Variants in PCDHGA10 observed in about 807,000 individuals in gnomAD.
The protein encoded by PCDHGA10 is protocadherin gamma subfamily A, 10, also known as protocadherin gamma-A10.
In PCDHGA10, 42 loss-of-function variants were observed where a neutral mutation model predicts 59.5. The observed-to-expected ratio is 0.71, with a 90% confidence interval of 0.55 to 0.91. PCDHGA10 has a LOEUF of 0.91. PCDHGA10 is among the 40% of genes least tolerant of loss of function. PCDHGA10 has a pLI of 0.00. For missense variants in PCDHGA10, 1,111 were observed against 1,198.2 expected, an observed-to-expected ratio of 0.93 and a Z score of 1.07; for synonymous variants, 511 against 517.2, an observed-to-expected ratio of 0.99 and a Z score of 0.16.
chr5:141,494,752 T>C (rs889400984), intron 1 of PCDHGA10, 55 bp from the exon 2 acceptor site: 18 of 1,612,206 alleles, frequency 1.1e-5, no homozygotes, highest in Non-Finnish European at 1.5e-5. Context: ...GGGGCTCGGG[T>C]GACATTCTAA....
rs2099735810 is a variant in PCDHGA10 at position 141,491,979 on chromosome 5, G to A, written c.2437-2828G>A. On this transcript the variant is annotated intron_variant, in intron 1 of 3. Transcript: ENST00000398610. This position sits in a 1 kb window ranked among gnomAD's most constrained non-coding sequence, Gnocchi z 6.9. ...CAAAAAAGGCCGGGGCCTCCTTCGA[G>A]CTTCCGGTGAATTTCGGGCGATTTC... 6.4e-6 allele frequency: 5 copies of A among 787,296 alleles called. No homozygotes were observed. Among genetic ancestry groups the A allele is most frequent in the Non-Finnish European group, 9.4e-6 (5 of 533,208 alleles). 48.8% of individuals were successfully genotyped at this position (787,296 alleles called of 1,614,324 possible).
chr5:141,494,775 A>G (rs1202233200), intron 1 of PCDHGA10, 32 bp from the exon 2 acceptor site: 1 of 1,613,580 alleles, frequency 6.2e-7, no homozygotes. Flanking sequence ...TCTCACGGGT[A>G]CTCAGCCCCT....
Position 141,511,165 on chromosome 5 carries a change from A to G in PCDHGA10, c.2803A>G (p.Lys935Glu). 1 of 1,614,096 alleles carries G rather than the reference A, an allele frequency of 6.2e-7. No homozygotes were observed. Among genetic ancestry groups the G allele is most frequent in the East Asian group, 2.2e-5 (1 of 44,870 alleles). ...CAAGAAGAAGTCGGGCAAGAAGGAGAAGAAGTAACATGGAGGCCAGGCCAA... is the reference window on the plus strand; with the variant it reads ...CAAGAAGAAGTCGGGCAAGAAGGAGGAGAAGTAACATGGAGGCCAGGCCAA... ...GNKKKSGKKE[K>E]K Residue 935 changes from lysine (K) to glutamate (E), a missense_variant, in exon 4 of 4, where the codon AAG (lysine) becomes GAG (glutamate). Physicochemically the swap from Lys to Glu is moderately conservative, Grantham distance 56. Transcript: ENST00000398610.
At chr5:141,444,644 G>T (rs1300191764) in intron 1 of PCDHGA10, among the ~76,000 whole-genome samples, 1 of 151,892 alleles carries the variant, frequency 6.6e-6, no homozygotes, top group Non-Finnish European at 1.5e-5. Flanking sequence ...ATTGAGGTAG[G>T]GGTTGAAGTT....
In PCDHGA10 at chr5:141,431,779, G is replaced by A; in HGVS notation, c.2436+16168G>A. 2 of 1,614,232 alleles carry A rather than the reference G, an allele frequency of 1.2e-6. No individual in the cohort carries two copies. Among genetic ancestry groups the A allele is most frequent in the Non-Finnish European group, 1.7e-6 (2 of 1,180,030 alleles). ...AAGTCCTGATCACTGTTCTGGACGT[G>A]AACGACAATGCCCCAGAAGTGGTCC... On this transcript the variant is annotated intron_variant, in intron 1 of 3. Transcript: ENST00000398610. This position sits in a 1 kb window ranked among gnomAD's most constrained non-coding sequence, Gnocchi z 4.8.
chr5:141,491,381 C>A lies in PCDHGA10; in HGVS notation c.2437-3426C>A. On this transcript the variant is annotated intron_variant, in intron 1 of 3. Transcript: ENST00000398610. This position sits in a 1 kb window ranked among gnomAD's most constrained non-coding sequence, Gnocchi z 6.9. ...CTAGTCACCTTCACCTTTCTGTCAGCGAAGTGCCTTCAGGGAAACGCAGAC... is the reference window on the plus strand; with the variant it reads ...CTAGTCACCTTCACCTTTCTGTCAGAGAAGTGCCTTCAGGGAAACGCAGAC... 2 of 1,614,068 alleles carry A rather than the reference C, an allele frequency of 1.2e-6. No homozygotes were observed. The highest frequency in any genetic ancestry group is 1.7e-6 in the Non-Finnish European group (2 of 1,179,950).
chr5:141,510,307 G>C (rs1250172295), intron 3 of PCDHGA10, among the ~76,000 whole-genome samples: 1 of 151,446 alleles, frequency 6.6e-6, no homozygotes, highest in African/African-American at 2.4e-5. Context: ...TTTTGAAATG[G>C]AGGCTTGGAA....
intron 1 of PCDHGA10, among the ~76,000 whole-genome samples, chr5:141,443,829 A>G (rs1387307023): frequency 6.6e-6 from 1 of 152,228 alleles, no homozygotes; most frequent in Non-Finnish European, 1.5e-5. Flanking sequence ...ATAATTAGGT[A>G]AAATGGGTAA....
intron 1 of PCDHGA10, among the ~76,000 whole-genome samples, chr5:141,435,951 G>C (rs371199258): frequency 3.9e-5 from 6 of 152,100 alleles, no homozygotes; most frequent in African/African-American, 1.4e-4. Flanking sequence ...ACCAAAAAAG[G>C]GGGCAAAATA....
At chr5:141,495,437 C>T (rs2099761356) in intron 2 of PCDHGA10, among the ~76,000 whole-genome samples, 1 of 152,178 alleles carries the variant, frequency 6.6e-6, no homozygotes, top group East Asian at 1.9e-4. Flanking sequence ...GTCCTCTGCC[C>T]CTACTTGTCC....
Position 141,501,290 on chromosome 5 carries a change from TACACACAC to T in PCDHGA10, c.2496-4066_2496-4059del, listed in dbSNP as rs55762287. 3.7e-3 allele frequency among the ~76,000 whole-genome samples: 499 copies of T among 136,222 alleles called. 2 individuals carry two copies. Among genetic ancestry groups the T allele is most frequent in the Middle Eastern group, 0.033 (9 of 270 alleles). 89.4% of individuals were successfully genotyped at this position (136,222 alleles called of 152,430 possible). On this transcript the variant is annotated intron_variant, in intron 2 of 3. Transcript: ENST00000398610. ...GTCCAGTCTATGGGATATTCCCTTA[TACACACAC>T]ACACACACACACACACACACACACA... is the stretch of plus-strand genomic sequence containing the variant.
rs191642740 is a variant in PCDHGA10 at position 141,509,833 on chromosome 5, C to T, written c.2585-1114C>T. On this transcript the variant is annotated intron_variant, in intron 3 of 3. Coordinates refer to ENST00000398610, the MANE Select transcript of PCDHGA10 (RefSeq NM_018913.3). ...GAGCTCTTCTCCATCTTCTCTCTAC[C>T]TCCCATTCACTCAGAACAGGGATAA... 2.6e-5 allele frequency among the ~76,000 whole-genome samples: 4 copies of T among 152,300 alleles called. No individual in the cohort carries two copies. The East Asian group carries it at 7.7e-4, about 29-fold the overall frequency.
chr5:141,489,094 G>GAAT lies in PCDHGA10; in HGVS notation c.2437-5711_2437-5710insTAA, dbSNP rs2154581134. 5.1e-6 allele frequency: 2 copies of GAAT among 396,028 alleles called. No homozygotes were observed. Among genetic ancestry groups the GAAT allele is most frequent in the Non-Finnish European group, 9.0e-6 (2 of 221,296 alleles). 24.5% of individuals were successfully genotyped at this position (396,028 alleles called of 1,614,324 possible). Reference sequence around the variant, plus strand: ...CCCACCCCCGCCACTCGGTGACTAAGAACTGCTGCAAGCAGGCAAACCTCC... The same window carrying GAAT: ...CCCACCCCCGCCACTCGGTGACTAAGAATAACTGCTGCAAGCAGGCAAACCTCC... On this transcript the variant is annotated intron_variant, in intron 1 of 3. Coordinates refer to ENST00000398610, the MANE Select transcript of PCDHGA10 (RefSeq NM_018913.3). The surrounding 1 kb of genome is among the most constrained non-coding windows in gnomAD (Gnocchi z 4.5).
chr5:141,510,862 C>CATTCA, intron 3 of PCDHGA10, 85 bp from the exon 4 acceptor site: 1 of 1,606,772 alleles, frequency 6.2e-7, no homozygotes, highest in South Asian at 1.1e-5. Flanking sequence ...GCTGTATAGG[C>CATTCA]ATTCATTAAC....
At chr5:141,418,794 TAGAA>T in intron 1 of PCDHGA10, 1 of 1,613,706 alleles carries the variant, frequency 6.2e-7, no homozygotes, top group South Asian at 1.1e-5. Flanking sequence ...TTTGAAGAAG[TAGAA>T]AGATATACGA....
At chr5:141,422,074 C>A (rs886758924) in intron 1 of PCDHGA10, 1 of 1,612,264 alleles carries the variant, frequency 6.2e-7, no homozygotes, top group African/African-American at 1.3e-5. Flanking sequence ...GTATTCATTT[C>A]GGAACATGGA....
intron 1 of PCDHGA10, chr5:141,484,946 C>T (rs2154580274): frequency 3.6e-6 from 2 of 561,448 alleles, no homozygotes; most frequent in Non-Finnish European, 6.4e-6. Flanking sequence ...CTCTGCTCAG[C>T]CTATTGGCTG....
Position 141,422,925 on chromosome 5 carries a change from T to G in PCDHGA10, c.2436+7314T>G, listed in dbSNP as rs568894245. On this transcript the variant is annotated intron_variant, in intron 1 of 3. Transcript: ENST00000398610. ...ACAATGCGCCCGAGATCCTGTACCC[T>G]GCCCTCCCCACAGACGGCTCCACTG... 1.9e-6 allele frequency: 3 copies of G among 1,614,202 alleles called. No individual in the cohort carries two copies. The Admixed American group carries it at 5.0e-5, about 27-fold the overall frequency.
At chr5:141,440,696 A>G (rs2098194818) in intron 1 of PCDHGA10, 1 of 152,210 alleles carries the variant, frequency 6.6e-6, no homozygotes, top group Non-Finnish European at 1.5e-5. Flanking sequence ...AAAGTGACCA[A>G]CAGTGGAAAG....
Sources: allele counts gnomAD v4.1 joint callset (sites outside exome capture counted in the v4.1 genomes callset), GRCh38; gene constraint gnomAD v4.1.1; non-coding constraint Gnocchi (gnomAD v3.1); transcripts MANE v1.5; gene names NCBI Gene and HGNC (gene_info 2026-07-23, HGNC 2026-07-21).